The following SIK3 variants were observed in gnomAD, a reference collection of about 807,000 sequenced individuals.
The protein encoded by SIK3 is SIK family kinase 3, also known as serine/threonine-protein kinase SIK3.
Under a neutral mutation model 144.2 loss-of-function variants are expected in SIK3, and 28 were observed. The observed-to-expected ratio is 0.19, with a 90% CI of 0.14 to 0.27. SIK3 has a LOEUF of 0.27. Among genes scored for constraint, SIK3 ranks in the 10% least tolerant of loss-of-function variants. The pLI, the probability that SIK3 is intolerant of heterozygous loss-of-function variation, is 1.00. For missense variants in SIK3, 1,319 were observed against 1,776.0 expected, an observed-to-expected ratio of 0.74 and a Z score of 4.62; for synonymous variants, 686 against 676.3, an observed-to-expected ratio of 1.01 and a Z score of -0.22.
intron 4 of SIK3, among the ~76,000 whole-genome samples, chr11:116,901,907 T>C (rs1945758226): frequency 6.6e-6 from 1 of 152,108 alleles, no homozygotes; most frequent in Admixed American, 6.5e-5. Flanking sequence ...TGGGAACAGG[T>C]TGCTAAAAAT....
intron 1 of SIK3, among the ~76,000 whole-genome samples, chr11:116,994,707 G>C (rs926660352): frequency 2.0e-5 from 3 of 152,126 alleles, no homozygotes; most frequent in Non-Finnish European, 2.9e-5. Flanking sequence ...TCCTGTTACA[G>C]AGCACCAGGA....
chr11:116,868,233 G>C, intron 14 of SIK3, 144 bp from the exon 15 acceptor site: 1 of 1,061,550 alleles, frequency 9.4e-7, no homozygotes, highest in Non-Finnish European at 1.4e-6. Context: ...TCCCTGCCTG[G>C]ATGGAAGTGA....
intron 1 of SIK3, among the ~76,000 whole-genome samples, chr11:117,012,686 A>G (rs1014952091): frequency 1.3e-5 from 2 of 151,968 alleles, no homozygotes; most frequent in Non-Finnish European, 2.9e-5. Context: ...TTCTTTGACT[A>G]CCTCAGTCAA....
intron 1 of SIK3, among the ~76,000 whole-genome samples, chr11:116,972,720 TTAAAAA>T (rs999578704): frequency 6.6e-6 from 1 of 151,730 alleles, no homozygotes; most frequent in African/African-American, 2.4e-5. Context: ...TCAAAAAAAA[TTAAAAA>T]TAAAAATAAA....
Position 116,970,574 on chromosome 11 carries a change from TCC to T in SIK3, c.274-13512_274-13511del, listed in dbSNP as rs1949731810. ...ACTATAGTCCAGGCTGCTCTCAAAC[TCC>T]CGGGCTCAAGCAATCCTCCTGCCTC... On this transcript the variant is annotated intron_variant, in intron 1 of 24. Transcript: ENST00000445177. Among the ~76,000 whole-genome samples the T allele has an allele frequency of 4.6e-5, 7 of 152,152 alleles. No individual in the cohort carries two copies. The South Asian group carries it at 1.5e-3, about 32-fold the overall frequency.
chr11:116,846,069 TC>T lies in SIK3; in HGVS notation c.*13+313del, dbSNP rs1941915508. On this transcript the variant is annotated intron_variant, in intron 24 of 24. Coordinates refer to ENST00000445177, the MANE Select transcript of SIK3 (RefSeq NM_001366686.3). The surrounding 1 kb of genome is among the most constrained non-coding windows in gnomAD (Gnocchi z 4.1). ...TGCTGACCGGAGGTCACCTGCATCC[TC>T]TGGAGCCGTAGCTCACTTCTGTCGC... Among the ~76,000 whole-genome samples the T allele has an allele frequency of 6.6e-6, 1 of 152,228 alleles. No individual in the cohort carries two copies. Among genetic ancestry groups the T allele is most frequent in the Non-Finnish European group, 1.5e-5 (1 of 68,040 alleles).
At chr11:116,986,956 G>T (rs1388402029) in intron 1 of SIK3, among the ~76,000 whole-genome samples, 5 of 152,210 alleles carry the variant, frequency 3.3e-5, no homozygotes, top group Non-Finnish European at 4.4e-5. Context: ...GGTGCCAGAG[G>T]CTGGAGGGAA....
Position 117,098,248 on chromosome 11 carries a change from G to A in SIK3, c.168C>T (p.Arg56=), listed in dbSNP as rs770976346. ...GQPRPPAPAS[R]GPMPARIGYY... is the part of the protein sequence containing the mutation. ...AGCCGATACGGGCGGGCATGGGTCC[G>A]CGGGAGGCCGGGGCTGGGGGACGCG... is the stretch of plus-strand genomic sequence containing the variant. The change falls in exon 1 of 25, where the codon CGC becomes CGT. Residue 56 remains arginine (R), a synonymous_variant. Transcript: ENST00000445177. 16 of 1,457,026 alleles carry A rather than the reference G, an allele frequency of 1.1e-5. No homozygotes were observed. Among genetic ancestry groups the A allele is most frequent in the East Asian group, 3.1e-5 (1 of 32,050 alleles). The allele number at this position is 1,457,026 out of a possible 1,614,324, so 90.3% of individuals were successfully genotyped here. A position where few individuals can be genotyped will look rare whatever the true frequency, so the allele number is the denominator to read the frequency against.
chr11:116,982,303 T>C (rs973341712), intron 1 of SIK3, among the ~76,000 whole-genome samples: 2 of 151,348 alleles, frequency 1.3e-5, no homozygotes, highest in Non-Finnish European at 3.0e-5. Context: ...TTTTTTTTTT[T>C]TTTCAGACGG....
chr11:116,996,958 T>C (rs940518862), intron 1 of SIK3, among the ~76,000 whole-genome samples: 2 of 152,058 alleles, frequency 1.3e-5, no homozygotes, highest in African/African-American at 4.8e-5. Context: ...ATTTAACAGG[T>C]TCATGTTCTC....
chr11:117,074,056 G>A (rs80134099), intron 1 of SIK3, among the ~76,000 whole-genome samples: 91 of 152,220 alleles, frequency 6.0e-4, no homozygotes, highest in East Asian at 1.5e-3. Flanking sequence ...TTAGCAAATC[G>A]TGAATGCTGT....
At chr11:117,027,276 T>C (rs1310213214) in intron 1 of SIK3, among the ~76,000 whole-genome samples, 2 of 152,236 alleles carry the variant, frequency 1.3e-5, no homozygotes, top group Non-Finnish European at 2.9e-5. Context: ...TGACTGGTAG[T>C]ACACAAGTTT....
chr11:116,926,348 A>C (rs918814279), intron 4 of SIK3, among the ~76,000 whole-genome samples: 19 of 152,234 alleles, frequency 1.2e-4, no homozygotes, highest in African/African-American at 4.6e-4. Flanking sequence ...TTCATTAGGC[A>C]AAATGCTGAT....
intron 1 of SIK3, among the ~76,000 whole-genome samples, chr11:116,978,844 A>G (rs546098295): frequency 4.7e-4 from 71 of 152,004 alleles, no homozygotes; most frequent in Non-Finnish European, 9.3e-4. Flanking sequence ...TTTGATCCCC[A>G]CTATTTTGGA....
chr11:117,079,520 T>G (rs1322300154), intron 1 of SIK3, among the ~76,000 whole-genome samples: 1 of 152,118 alleles, frequency 6.6e-6, no homozygotes, highest in Non-Finnish European at 1.5e-5. Context: ...CTCATGAGAC[T>G]TACAGTCAAG....
At chr11:117,010,822 T>C (rs1951221071) in intron 1 of SIK3, among the ~76,000 whole-genome samples, 1 of 152,162 alleles carries the variant, frequency 6.6e-6, no homozygotes, top group East Asian at 1.9e-4. Context: ...TTGAGAAATG[T>C]CAGAGACAAA....
intron 1 of SIK3, among the ~76,000 whole-genome samples, chr11:116,961,926 G>C (rs534120118): frequency 6.6e-6 from 1 of 152,206 alleles, no homozygotes; most frequent in South Asian, 2.1e-4. Flanking sequence ...TAAAGTCATA[G>C]TTCTTTATTA....
At chr11:117,030,784 C>T (rs1209476591) in intron 1 of SIK3, among the ~76,000 whole-genome samples, 1 of 152,196 alleles carries the variant, frequency 6.6e-6, no homozygotes, top group Non-Finnish European at 1.5e-5. Context: ...GATCCTCCCA[C>T]CTCAACCTCG....
At chr11:116,975,368 C>A (rs1317865976) in intron 1 of SIK3, among the ~76,000 whole-genome samples, 1 of 152,092 alleles carries the variant, frequency 6.6e-6, no homozygotes, top group Admixed American at 6.6e-5. Context: ...TTCCCCCACT[C>A]CTATCCCTCC....
Sources: allele counts gnomAD v4.1 joint callset (sites outside exome capture counted in the v4.1 genomes callset), GRCh38; gene constraint gnomAD v4.1.1; non-coding constraint Gnocchi (gnomAD v3.1); transcripts MANE v1.5; gene names NCBI Gene and HGNC (gene_info 2026-07-23, HGNC 2026-07-21).